Variants in OPRK1 observed in about 807,000 individuals in gnomAD.
OPRK1 encodes kappa-type opioid receptor.
OPRK1 carries 15 observed loss-of-function variants against 24.5 expected under a neutral mutation model. The ratio of observed to expected loss-of-function variants is 0.61; its 90% CI spans 0.41 to 0.94. The LOEUF (loss-of-function observed/expected upper bound fraction) is 0.94, where lower values mean the gene tolerates loss of function less well. Among genes scored for constraint, OPRK1 ranks in the 40% least tolerant of loss-of-function variants. OPRK1 has a pLI of 0.00. For missense variants in OPRK1, 479 were observed against 507.3 expected (o/e 0.94, Z 0.54); for synonymous variants, 205 against 198.0 (o/e 1.04, Z -0.30).
At chr8:53,244,704 G>A (rs1466320520) in intron 2 of OPRK1, among the ~76,000 whole-genome samples, 1 of 152,188 alleles carries the variant, frequency 6.6e-6, no homozygotes, top group African/African-American at 2.4e-5. Context: ...AGAAATAAAT[G>A]AAAAGAGAAC....
At chr8:53,232,363 A>G (rs1806876308) in intron 3 of OPRK1, among the ~76,000 whole-genome samples, 2 of 152,204 alleles carry the variant, frequency 1.3e-5, no homozygotes, top group South Asian at 2.1e-4. Context: ...AATTTATTAT[A>G]TATTTCAAAA....
At chr8:53,248,789 G>A (rs1807297547) in intron 2 of OPRK1, among the ~76,000 whole-genome samples, 1 of 152,208 alleles carries the variant, frequency 6.6e-6, no homozygotes, top group Non-Finnish European at 1.5e-5. Context: ...ATAGATTTCA[G>A]TAGGTTGGTA....
chr8:53,233,898 G>A (rs1402185436), intron 3 of OPRK1, among the ~76,000 whole-genome samples: 1 of 151,986 alleles, frequency 6.6e-6, no homozygotes, highest in African/African-American at 2.4e-5. Context: ...TAGAAATACA[G>A]GAAAAACATC....
Position 53,228,295 on chromosome 8 carries a change from G to A in OPRK1, c.*1002C>T, listed in dbSNP as rs201978214. The A allele has an allele frequency of 1.5e-4, 23 of 152,298 alleles. No individual in the cohort carries two copies. Among genetic ancestry groups the A allele is most frequent in the African/African-American group, 2.2e-4 (9 of 41,574 alleles). 9.4% of individuals were successfully genotyped at this position (152,298 alleles called of 1,614,324 possible). On this transcript the variant is annotated 3_prime_UTR_variant, in exon 4 of 4. Transcript: ENST00000265572. Reference sequence around the variant, plus strand: ...AGATCCTGCGAAGGCTACAACCTGGGAGCTAGTTAAAGCCTTTGTGATTCA... The same window carrying A: ...AGATCCTGCGAAGGCTACAACCTGGAAGCTAGTTAAAGCCTTTGTGATTCA...
At chr8:53,234,182 C>CAAAAAAAAAAAAAGAAAAA (rs1806927288) in intron 3 of OPRK1, among the ~76,000 whole-genome samples, 1 of 65,374 alleles carries the variant, frequency 1.5e-5, no homozygotes, top group African/African-American at 8.0e-5. Context: ...GACTCTCTCT[C>CAAAAAAAAAAAAAGAAAAA]AAAAAAAAAA....
intron 2 of OPRK1, among the ~76,000 whole-genome samples, chr8:53,239,512 T>C (rs2128809263): frequency 6.6e-6 from 1 of 152,294 alleles, no homozygotes; most frequent in Admixed American, 6.5e-5. Flanking sequence ...CACAGGTGGC[T>C]GCCTGGGATG....
At chr8:53,248,106 G>T (rs16918938) in intron 2 of OPRK1, among the ~76,000 whole-genome samples, 14,993 of 149,650 alleles carry the variant, frequency 0.1, 816 homozygotes, top group South Asian at 0.19. Context: ...ACTGACATTT[G>T]AAGGTCTCCA....
chr8:53,251,105 G>A lies in OPRK1; in HGVS notation c.-48-20C>T. 7.0e-7 allele frequency: 1 copy of A among 1,419,144 alleles called. No homozygotes were observed. Among genetic ancestry groups the A allele is most frequent in the Non-Finnish European group, 9.1e-7 (1 of 1,093,162 alleles). The allele number at this position is 1,419,144 out of a possible 1,614,324, so 87.9% of individuals were successfully genotyped here. A position where few individuals can be genotyped will look rare whatever the true frequency, so the allele number is the denominator to read the frequency against. ...GCGGCGCTGCGGGAGCGAAAGAACC[G>A]GCTGGACGCGGAGAGGCAAACTTTG... On this transcript the variant is annotated intron_variant, in intron 1 of 3. Transcript: ENST00000265572.
chr8:53,236,368 G>A (rs537300741), intron 2 of OPRK1, among the ~76,000 whole-genome samples: 1 of 152,270 alleles, frequency 6.6e-6, no homozygotes, highest in African/African-American at 2.4e-5. Flanking sequence ...AGTGTCCACT[G>A]CCTTCCCTCC....
At chr8:53,233,909 A>C (rs529734956) in intron 3 of OPRK1, among the ~76,000 whole-genome samples, 12 of 152,110 alleles carry the variant, frequency 7.9e-5, no homozygotes, top group Non-Finnish European at 1.3e-4. Context: ...GAAAAACATC[A>C]ACAGGGGGCC....
chr8:53,236,840 G>A (rs1040165576), intron 2 of OPRK1, among the ~76,000 whole-genome samples: 2 of 152,154 alleles, frequency 1.3e-5, no homozygotes, highest in Non-Finnish European at 2.9e-5. Flanking sequence ...AAGGATTCCA[G>A]CAGGAATCTG....
chr8:53,229,220 G>A lies in OPRK1; in HGVS notation c.*77C>T. ...TTCTATCTTTTCATGTCAGACTGCA[G>A]TAGTGATCTGAGTTAAACCTAGATC... On this transcript the variant is annotated 3_prime_UTR_variant, in exon 4 of 4. Transcript: ENST00000265572. The A allele has an allele frequency of 6.9e-7, 1 of 1,453,834 alleles. No homozygotes were observed. Among genetic ancestry groups the A allele is most frequent in the Non-Finnish European group, 9.4e-7 (1 of 1,069,170 alleles). The allele number at this position is 1,453,834 out of a possible 1,614,324, so 90.1% of individuals were successfully genotyped here.
chr8:53,243,143 T>G (rs1807154030), intron 2 of OPRK1, among the ~76,000 whole-genome samples: 1 of 152,208 alleles, frequency 6.6e-6, no homozygotes, highest in Non-Finnish European at 1.5e-5. Flanking sequence ...CTTGCACCAC[T>G]GAAACCACAT....
intron 2 of OPRK1, among the ~76,000 whole-genome samples, chr8:53,235,341 T>C (rs753097289): frequency 1.1e-4 from 16 of 152,166 alleles, no homozygotes; most frequent in Non-Finnish European, 7.3e-5. Context: ...AATTTCAATA[T>C]AGAAGATACA....
intron 2 of OPRK1, among the ~76,000 whole-genome samples, chr8:53,236,808 C>G (rs563613934): frequency 1.3e-5 from 2 of 152,282 alleles, no homozygotes; most frequent in South Asian, 4.1e-4. Flanking sequence ...ACTCCTCCCA[C>G]CCCAAAACCC....
chr8:53,241,044 A>G (rs1170960634), intron 2 of OPRK1, among the ~76,000 whole-genome samples: 2 of 142,518 alleles, frequency 1.4e-5, no homozygotes, highest in Non-Finnish European at 2.9e-5. Flanking sequence ...CCTCTGGGTT[A>G]TGATGTGTAA....
At chr8:53,246,169 C>A (rs529944926) in intron 2 of OPRK1, among the ~76,000 whole-genome samples, 2 of 152,134 alleles carry the variant, frequency 1.3e-5, no homozygotes, top group African/African-American at 2.4e-5. Flanking sequence ...AAGGAGAATG[C>A]CAGAGGATGT....
rs1563332633 is a variant in OPRK1, at chr8:53,250,768, T to G, written c.257+13A>C. On this transcript the variant is annotated intron_variant, in intron 2 of 3. Transcript: ENST00000265572. ...CCGCCCAGCCCCCAGCGCTGCGCTG[T>G]CCCCGCGCTCACCGGATGATCACGA... 5 of 1,598,486 alleles carry G rather than the reference T, an allele frequency of 3.1e-6. No individual in the cohort carries two copies. In the South Asian group the frequency reaches 4.5e-5, roughly 14 times the overall value.
chr8:53,239,823 G>A (rs1807075109), intron 2 of OPRK1, among the ~76,000 whole-genome samples: 1 of 152,108 alleles, frequency 6.6e-6, no homozygotes. Context: ...AGATATCACT[G>A]CCCCTACTTT....
Sources: allele counts gnomAD v4.1 joint callset (sites outside exome capture counted in the v4.1 genomes callset), GRCh38; gene constraint gnomAD v4.1.1; transcripts MANE v1.5; gene names NCBI Gene and HGNC (gene_info 2026-07-23, HGNC 2026-07-21).